RGPD8: variants seen among roughly 807,000 people sequenced by gnomAD.
RGPD8 encodes RANBP2-like and GRIP domain-containing protein 8.
Under a neutral mutation model 89.1 loss-of-function variants are expected in RGPD8, and 15 were observed. That is an observed-to-expected ratio of 0.17 (90% CI 0.11 to 0.26). RGPD8 has a LOEUF of 0.26. Among genes scored for constraint, RGPD8 ranks in the 10% least tolerant of loss-of-function variants. The pLI is 1.00. For missense variants in RGPD8, 178 were observed against 1,179.6 expected (o/e 0.15, Z 12.44); for synonymous variants, 62 against 420.9 (o/e 0.15, Z 10.44).
At chr2:112,421,061 AGCATCATGT>A in intron 4 of RGPD8, among the ~76,000 whole-genome samples, 1 of 150,764 alleles carries the variant, frequency 6.6e-6, no homozygotes, top group East Asian at 2.0e-4. Context: ...CATTTCTTTG[AGCATCATGT>A]CAGTGCTCAA....
chr2:112,390,090 C>G lies in RGPD8; in HGVS notation c.2855G>C (p.Arg952Thr). The change falls in exon 20 of 23, where the codon AGG becomes ACG. Residue 952 changes from arginine (R) to threonine (T), a missense_variant. Arg to Thr is a moderately conservative substitution (Grantham distance 71). Coordinates refer to ENST00000302558, the MANE Select transcript of RGPD8 (RefSeq NM_001164463.1). ...NDTGLQAQDI[R>T]GRKKGRGVIF... is the part of the protein sequence containing the mutation. ...CACACCACGGCCCTTCTTCCGGCCC[C>G]TAATATCCTGAGCCTGTAAGCCAGT... The G allele has an allele frequency of 1.3e-6, 2 of 1,583,252 alleles. No homozygotes were observed. The highest frequency in any genetic ancestry group is 1.7e-6 in the Non-Finnish European group (2 of 1,158,250).
At chr2:112,429,617 A>G (rs569556416) in intron 1 of RGPD8, among the ~76,000 whole-genome samples, 2 of 152,108 alleles carry the variant, frequency 1.3e-5, no homozygotes, top group African/African-American at 4.8e-5. Context: ...AGGATCATTT[A>G]CGCCCAAAAA....
chr2:112,413,060 A>G (rs1270380378), intron 6 of RGPD8, among the ~76,000 whole-genome samples: 3 of 119,540 alleles, frequency 2.5e-5, no homozygotes, highest in African/African-American at 1.1e-4. Flanking sequence ...CAGGTATTTG[A>G]GTATCAATAC....
chr2:112,372,827 C>A (rs1677993348), intron 22 of RGPD8, among the ~76,000 whole-genome samples: 1 of 74,658 alleles, frequency 1.3e-5, no homozygotes, highest in Non-Finnish European at 2.4e-5. Flanking sequence ...CAGGCACTTA[C>A]AGTGTGAGTA....
chr2:112,414,026 T>G (rs1270550275), intron 6 of RGPD8, among the ~76,000 whole-genome samples: 2 of 139,492 alleles, frequency 1.4e-5, no homozygotes, highest in African/African-American at 5.8e-5. Flanking sequence ...AGAGGCTTCA[T>G]GACATGTAAT....
intron 1 of RGPD8, among the ~76,000 whole-genome samples, chr2:112,425,557 C>T (rs1402073476): frequency 1.3e-5 from 2 of 151,578 alleles, no homozygotes; most frequent in South Asian, 2.1e-4. Flanking sequence ...GCCAAGAGTT[C>T]GAGACCAGCC....
chr2:112,430,907 C>T (rs1292074441), intron 1 of RGPD8, among the ~76,000 whole-genome samples: 2 of 152,058 alleles, frequency 1.3e-5, no homozygotes, highest in East Asian at 1.9e-4. Flanking sequence ...CAGTGAGCCA[C>T]GATCCCGCCA....
intron 1 of RGPD8, among the ~76,000 whole-genome samples, chr2:112,427,164 C>G (rs1172626148): frequency 2.0e-5 from 3 of 151,916 alleles, no homozygotes; most frequent in African/African-American, 7.3e-5. Context: ...AAAATAATTC[C>G]ATTACCTTCT....
chr2:112,426,485 G>A (rs1457952646), intron 1 of RGPD8, among the ~76,000 whole-genome samples: 53 of 148,714 alleles, frequency 3.6e-4, no homozygotes, highest in African/African-American at 1.2e-3. Context: ...TTTGGACCAC[G>A]GGTGACGCAG....
chr2:112,402,234 GGTACA>G (rs1453422380), intron 9 of RGPD8, among the ~76,000 whole-genome samples: 1 of 91,398 alleles, frequency 1.1e-5, no homozygotes, highest in Non-Finnish European at 2.1e-5. Context: ...TTAATCCATC[GGTACA>G]GTAAAGAAAT....
chr2:112,390,239 A>G lies in RGPD8; in HGVS notation c.2706T>C (p.Ser902=), dbSNP rs1678644656. ...AANVTPTKGS[S]NTEFKSTKEG... is the part of the protein sequence containing the mutation. ...CTTTGGTTGACTTAAATTCTGTATT[A>G]GAAGAACCCTGAAACATAAATGAAG... Residue 902 remains serine, a synonymous_variant, in exon 20 of 23, where the codon TCT becomes TCC. Transcript: ENST00000302558. 5 of 1,553,898 alleles carry G rather than the reference A, an allele frequency of 3.2e-6. No individual in the cohort carries two copies. The highest frequency in any genetic ancestry group is 4.4e-6 in the Non-Finnish European group (5 of 1,143,002).
At chr2:112,411,412 C>CA (rs1235904960) in intron 7 of RGPD8, among the ~76,000 whole-genome samples, 13 of 128,570 alleles carry the variant, frequency 1.0e-4, no homozygotes, top group African/African-American at 2.1e-4. Context: ...ACTAAAAGTA[C>CA]AAAAAAAAAT....
intron 22 of RGPD8, among the ~76,000 whole-genome samples, chr2:112,370,452 AG>A (rs1415084187): frequency 2.9e-5 from 3 of 105,048 alleles, no homozygotes; most frequent in African/African-American, 1.1e-4. Flanking sequence ...ACTTCAATGC[AG>A]CCTTGATCTC....
intron 1 of RGPD8, among the ~76,000 whole-genome samples, chr2:112,432,209 TAA>T (rs1289282506): frequency 6.6e-6 from 1 of 152,198 alleles, no homozygotes; most frequent in Admixed American, 6.5e-5. Context: ...ATCCAATGAC[TAA>T]AGTCTTATTG....
chr2:112,423,766 G>A (rs1167958116), intron 2 of RGPD8, among the ~76,000 whole-genome samples: 1 of 151,888 alleles, frequency 6.6e-6, no homozygotes, highest in Non-Finnish European at 1.5e-5. Context: ...TCCCAGCCAG[G>A]AAATCAGAAT....
At position 112,411,264 on chromosome 2, in the gene RGPD8, A is replaced by T. The variant is rs1427332884; in HGVS notation, c.978+1167T>A. 4.3e-4 allele frequency among the ~76,000 whole-genome samples: 46 copies of T among 107,834 alleles called. No homozygotes were observed. The Middle Eastern group carries it at 0.02, about 46-fold the overall frequency. 70.7% of individuals were successfully genotyped at this position (107,834 alleles called of 152,430 possible). On this transcript the variant is annotated intron_variant, in intron 7 of 22. Transcript: ENST00000302558. ...CTTTCGAAAGTTATGCAAGCTCATT[A>T]AAAAAAAAAAAAAAAAAAAAAGGCC...
chr2:112,371,230 T>G (rs1241613983), intron 22 of RGPD8, among the ~76,000 whole-genome samples: 1 of 104,840 alleles, frequency 9.5e-6, no homozygotes, highest in African/African-American at 3.7e-5. Context: ...CTTTTCAGCA[T>G]ATAGCACTGA....
chr2:112,433,032 A>G (rs1440846157), intron 1 of RGPD8, among the ~76,000 whole-genome samples: 1 of 76,896 alleles, frequency 1.3e-5, no homozygotes, highest in African/African-American at 3.6e-5. Flanking sequence ...CCCCTGACCC[A>G]TCGAGGCCGC....
chr2:112,416,281 C>G (rs1326460337), intron 6 of RGPD8, among the ~76,000 whole-genome samples: 1 of 152,246 alleles, frequency 6.6e-6, no homozygotes, highest in African/African-American at 2.4e-5. Flanking sequence ...AGATACTGCT[C>G]TTACCCTACC....
Sources: gnomAD v4.1 joint callset for allele counts (sites outside exome capture counted in the v4.1 genomes callset) on GRCh38, gnomAD v4.1.1 for gene constraint, MANE v1.5 for transcripts, NCBI Gene and HGNC (gene_info 2026-07-23, HGNC 2026-07-21) for gene names.